MEF2A: variants seen among roughly 807,000 people sequenced by gnomAD.
MEF2A encodes the protein myocyte-specific enhancer factor 2A.
In MEF2A, 28 loss-of-function variants were observed where a neutral mutation model predicts 55.8. That is an observed-to-expected ratio of 0.50 (90% confidence interval 0.37 to 0.69). MEF2A has a LOEUF of 0.69. Among genes scored for constraint, MEF2A ranks in the 30% least tolerant of loss-of-function variants. The pLI, the probability that MEF2A is intolerant of heterozygous loss-of-function variation, is 0.00. For synonymous variants in MEF2A, 239 were observed against 227.1 expected, an observed-to-expected ratio of 1.05 and a Z score of -0.47; for missense variants, 528 against 626.2, an observed-to-expected ratio of 0.84 and a Z score of 1.67.
chr15:99,604,161 A>G (rs1974273784), intron 2 of MEF2A, among the ~76,000 whole-genome samples: 1 of 152,194 alleles, frequency 6.6e-6, no homozygotes, highest in African/African-American at 2.4e-5. Context: ...TTTCTTTGCA[A>G]TAATGCTGCC....
At chr15:99,600,070 A>C (rs914490600) in intron 2 of MEF2A, among the ~76,000 whole-genome samples, 2 of 152,140 alleles carry the variant, frequency 1.3e-5, no homozygotes, top group East Asian at 1.9e-4. Flanking sequence ...CAAGGATTTT[A>C]CTTAAATTTC....
intron 2 of MEF2A, among the ~76,000 whole-genome samples, chr15:99,609,197 T>C (rs912816754): frequency 2.0e-5 from 3 of 152,196 alleles, no homozygotes; most frequent in African/African-American, 7.2e-5. Flanking sequence ...TGGCTTTGGG[T>C]CATAGTGATT....
chr15:99,700,840 C>T (rs1176562566), intron 8 of MEF2A, among the ~76,000 whole-genome samples: 1 of 151,994 alleles, frequency 6.6e-6, no homozygotes, highest in Non-Finnish European at 1.5e-5. Context: ...AACAAAATAA[C>T]AATAGTATTG....
chr15:99,671,962 A>G (rs1188662136), intron 5 of MEF2A, among the ~76,000 whole-genome samples: 1 of 152,192 alleles, frequency 6.6e-6, no homozygotes, highest in Non-Finnish European at 1.5e-5. Flanking sequence ...GTTGGCTCTC[A>G]TGATTTTTAA....
intron 4 of MEF2A, among the ~76,000 whole-genome samples, chr15:99,650,379 A>C (rs1367324842): frequency 6.6e-6 from 1 of 152,236 alleles, no homozygotes; most frequent in Admixed American, 6.5e-5. Flanking sequence ...GATCTATAGC[A>C]GTCACGAATA....
intron 4 of MEF2A, among the ~76,000 whole-genome samples, 178 bp from the exon 5 acceptor site, chr15:99,671,145 C>G (rs2050789753): frequency 6.6e-6 from 1 of 152,170 alleles, no homozygotes; most frequent in African/African-American, 2.4e-5. Context: ...ATTAATTTTA[C>G]TTATATTTAA....
At chr15:99,587,700 T>A (rs913247306) in intron 1 of MEF2A, among the ~76,000 whole-genome samples, 1 of 152,228 alleles carries the variant, frequency 6.6e-6, no homozygotes, top group African/African-American at 2.4e-5. Context: ...CTTTTGAAAC[T>A]AATATAACAT....
At chr15:99,674,285 T>A (rs981420427) in intron 5 of MEF2A, 108 bp from the exon 6 acceptor site, 13 of 949,756 alleles carry the variant, frequency 1.4e-5, no homozygotes, top group Non-Finnish European at 1.9e-5. Context: ...CCTATCCCTA[T>A]CCTCTACTTT....
At chr15:99,642,433 A>G (rs2045194674) in intron 3 of MEF2A, among the ~76,000 whole-genome samples, 1 of 151,906 alleles carries the variant, frequency 6.6e-6, no homozygotes, top group East Asian at 1.9e-4. Context: ...TATCTTCATT[A>G]TCTGTCAACA....
At chr15:99,678,124 C>T (rs528785183) in intron 7 of MEF2A, among the ~76,000 whole-genome samples, 11 of 152,210 alleles carry the variant, frequency 7.2e-5, no homozygotes, top group Admixed American at 2.0e-4. Context: ...ATATTCAATT[C>T]GAAATATTTT....
chr15:99,655,833 A>G (rs1567340212), intron 4 of MEF2A, among the ~76,000 whole-genome samples: 1 of 152,130 alleles, frequency 6.6e-6, no homozygotes, highest in African/African-American at 2.4e-5. Flanking sequence ...AATTGACCTA[A>G]TAATGCTGTG....
chr15:99,673,493 G>C (rs190175929), intron 5 of MEF2A, among the ~76,000 whole-genome samples: 1 of 152,124 alleles, frequency 6.6e-6, no homozygotes, highest in Non-Finnish European at 1.5e-5. Context: ...TGAATTAGCA[G>C]TGTTACCTTA....
At chr15:99,679,365 A>G (rs1349673156) in intron 7 of MEF2A, among the ~76,000 whole-genome samples, 1 of 152,254 alleles carries the variant, frequency 6.6e-6, no homozygotes, top group Non-Finnish European at 1.5e-5. Context: ...GAGTACATTC[A>G]TATGAAAGAA....
At chr15:99,613,003 T>C (rs1313195751) in intron 2 of MEF2A, among the ~76,000 whole-genome samples, 1 of 151,942 alleles carries the variant, frequency 6.6e-6, no homozygotes, top group East Asian at 1.9e-4. Flanking sequence ...AGGCCATAAA[T>C]GTGTGTATAA....
intron 8 of MEF2A, among the ~76,000 whole-genome samples, chr15:99,696,799 T>G (rs868020952): frequency 5.9e-5 from 9 of 151,492 alleles, no homozygotes; most frequent in Non-Finnish European, 8.9e-5. Context: ...CTTTCCAACT[T>G]ATTTTTTTAG....
At chr15:99,707,677 G>A (rs146476473) in intron 10 of MEF2A, among the ~76,000 whole-genome samples, 1 of 152,234 alleles carries the variant, frequency 6.6e-6, no homozygotes, top group Non-Finnish European at 1.5e-5. Flanking sequence ...ATGCTTCAGA[G>A]GAAGACGGCA....
At chr15:99,662,616 C>G (rs2048848830) in intron 4 of MEF2A, among the ~76,000 whole-genome samples, 1 of 151,960 alleles carries the variant, frequency 6.6e-6, no homozygotes, top group Non-Finnish European at 1.5e-5. Flanking sequence ...CCTGGAATTA[C>G]AGGTGTCTGC....
At chr15:99,666,069 C>T (rs2049623249) in intron 4 of MEF2A, among the ~76,000 whole-genome samples, 1 of 152,094 alleles carries the variant, frequency 6.6e-6, no homozygotes, top group Non-Finnish European at 1.5e-5. Flanking sequence ...CCATTTGACC[C>T]AGTAATGCCA....
Position 99,613,857 on chromosome 15 carries a change from T to A in MEF2A, c.-143+15346T>A, listed in dbSNP as rs183626002. Among the ~76,000 whole-genome samples the A allele has an allele frequency of 2.0e-4, 30 of 152,342 alleles. No individual in the cohort carries two copies. In the East Asian group the frequency reaches 5.6e-3, roughly 28 times the overall value. On this transcript the variant is annotated intron_variant, in intron 2 of 11. Coordinates refer to ENST00000557942, the MANE Select transcript of MEF2A (RefSeq NM_001319206.4). ...TGCTCTAGTTTCCCTTGTGCAGCCA[T>A]ACACAACTTAGTAGAAATTGTTTTA...
Sources: allele counts gnomAD v4.1 joint callset (sites outside exome capture counted in the v4.1 genomes callset), GRCh38; gene constraint gnomAD v4.1.1; transcripts MANE v1.5; gene names NCBI Gene and HGNC (gene_info 2026-07-23, HGNC 2026-07-21).